ATP1B4: variants seen among roughly 807,000 people sequenced by gnomAD.
ATP1B4 encodes ATPase Na+/K+ transporting family member beta 4, also known as protein ATP1B4.
Under a neutral mutation model 29.6 loss-of-function variants are expected in ATP1B4, and 32 were observed. The ratio of observed to expected loss-of-function variants is 1.08; its 90% CI spans 0.82 to 1.45. The LOEUF (loss-of-function observed/expected upper bound fraction) is 1.45. ATP1B4 is among the 40% of genes most tolerant of loss of function. The pLI is 0.00. For synonymous variants in ATP1B4, 127 were observed against 102.1 expected (o/e 1.24, Z -1.47); for missense variants, 323 against 276.2 (o/e 1.17, Z -1.20).
intron 5 of ATP1B4, 70 bp downstream of exon 5, chrX:120,375,638 T>C: frequency 1.1e-6 from 1 of 949,712 alleles, no homozygotes; most frequent in Non-Finnish European, 1.4e-6. Flanking sequence ...GCCACTCCAT[T>C]TGTCTTGGTC....
At chrX:120,375,070 A>G (rs1460282400) in intron 4 of ATP1B4, among the ~76,000 whole-genome samples, 1 of 108,074 alleles carries the variant, frequency 9.3e-6, no homozygotes, top group East Asian at 2.9e-4. Context: ...AATAGAGAAA[A>G]TTTATAAAGT....
At chrX:120,366,255 G>A (rs1331264264) in intron 1 of ATP1B4, among the ~76,000 whole-genome samples, 1 of 111,663 alleles carries the variant, frequency 9.0e-6, no homozygotes, top group Non-Finnish European at 1.9e-5. Flanking sequence ...AGCAGTCCTT[G>A]GAGAAGAGCC....
At chrX:120,366,867 G>T (rs188417681) in intron 2 of ATP1B4, 78 bp downstream of exon 2, 91 of 1,138,986 alleles carry the variant, frequency 8.0e-5, no homozygotes, top group Non-Finnish European at 1.0e-4. Flanking sequence ...TTTACCATAC[G>T]CTGGATGGGC....
intron 4 of ATP1B4, among the ~76,000 whole-genome samples, chrX:120,371,833 T>C (rs1039152598): frequency 8.9e-6 from 1 of 112,180 alleles, no homozygotes; most frequent in African/African-American, 3.2e-5. Flanking sequence ...CACGCCCTGC[T>C]AATTTTTTGT....
intron 1 of ATP1B4, among the ~76,000 whole-genome samples, chrX:120,363,219 G>T (rs372104207): frequency 2.7e-5 from 3 of 111,627 alleles, no homozygotes; most frequent in African/African-American, 9.8e-5. Flanking sequence ...TCAACAGCCC[G>T]CAGAAGAAAA....
At chrX:120,371,317 A>G in intron 4 of ATP1B4, 107 bp downstream of exon 4, 1 of 588,773 alleles carries the variant, frequency 1.7e-6, no homozygotes, top group South Asian at 2.6e-5. Flanking sequence ...ACTAACCCCA[A>G]CTCATCATGG....
chrX:120,371,193 T>C lies in ATP1B4; in HGVS notation c.545T>C (p.Leu182Pro). The change falls in exon 4 of 8, where the codon CTA (leucine) becomes CCA (proline). Residue 182 changes from leucine to proline, a missense_variant. Physicochemically the swap from Leu to Pro is moderately conservative, Grantham distance 98. Transcript: ENST00000218008. ...ACTTGGCAGCATTATGTGATTAGCC[T>C]AAATGGCTTTCTCCAGGGTAAGTAA... ...PDTWQHYVIS[L>P]NGFLQGYNDS... is the part of the protein sequence containing the mutation. 1 of 1,206,221 alleles carries C rather than the reference T, an allele frequency of 8.3e-7. No individual in the cohort carries two copies. Among genetic ancestry groups the C allele is most frequent in the Non-Finnish European group, 1.1e-6 (1 of 890,483 alleles).
At chrX:120,378,218 C>A (rs1245925803) in intron 6 of ATP1B4, among the ~76,000 whole-genome samples, 2 of 111,720 alleles carry the variant, frequency 1.8e-5, no homozygotes, top group African/African-American at 3.3e-5. Flanking sequence ...CTGCAGTGTG[C>A]AAATCGTGGA....
chrX:120,378,773 C>T lies in ATP1B4; in HGVS notation c.912C>T (p.His304=), dbSNP rs368849098. 22 of 1,202,194 alleles carry T rather than the reference C, an allele frequency of 1.8e-5. No individual in the cohort carries two copies. Among genetic ancestry groups the T allele is most frequent in the African/African-American group, 8.8e-5 (5 of 56,890 alleles). The change falls in exon 7 of 8, where the codon CAC becomes CAT. Residue 304 remains histidine, a splice_region_variant and synonymous_variant. Coordinates refer to ENST00000218008, the MANE Select transcript of ATP1B4 (RefSeq NM_001142447.3). The part of the protein sequence containing the change: ...RYYPYYGKLT[H]VNYTSPLVAM... ...ACCCTTACTACGGCAAACTGACTCA[C>T]GTAAGCTGTATTCCCTTTAGTCATT...
intron 2 of ATP1B4, among the ~76,000 whole-genome samples, chrX:120,367,142 A>C (rs184269379): frequency 8.9e-6 from 1 of 112,325 alleles, no homozygotes; most frequent in Non-Finnish European, 1.9e-5. Flanking sequence ...TCTGAGCCTC[A>C]GTTTCCTCAC....
In ATP1B4 at chrX:120,379,849, A is replaced by T; in HGVS notation, c.*215A>T. The T allele has an allele frequency of 3.0e-6, 1 of 329,783 alleles. No individual in the cohort carries two copies. Among genetic ancestry groups the T allele is most frequent in the Non-Finnish European group, 5.1e-6 (1 of 194,266 alleles). 27.2% of individuals were successfully genotyped at this position (329,783 alleles called of 1,213,427 possible). ...TGTCTCCTGATGACAAACAGAGTAT[A>T]TTAATTTCCTTTCCCTCCACTTAAA... On this transcript the variant is annotated 3_prime_UTR_variant, in exon 8 of 8. Coordinates refer to ENST00000218008, the MANE Select transcript of ATP1B4 (RefSeq NM_001142447.3).
chrX:120,367,577 T>C (rs1602501789), intron 2 of ATP1B4, among the ~76,000 whole-genome samples: 1 of 111,541 alleles, frequency 9.0e-6, no homozygotes, highest in Non-Finnish European at 1.9e-5. Context: ...AAATTCACAC[T>C]TGCCACAGTC....
chrX:120,379,684 G>C lies in ATP1B4; in HGVS notation c.*50G>C. On this transcript the variant is annotated 3_prime_UTR_variant, in exon 8 of 8. Transcript: ENST00000218008. ...AGTTCTGTTTCTGTTTTATCTCATG[G>C]TATCTCTGGTAGCACCTGAATTCTT... 9.0e-7 allele frequency: 1 copy of C among 1,113,896 alleles called. No homozygotes were observed. The highest frequency in any genetic ancestry group is 1.2e-6 in the Non-Finnish European group (1 of 831,612). The allele number at this position is 1,113,896 out of a possible 1,213,427, so 91.8% of individuals were successfully genotyped here.
Position 120,379,490 on chromosome X carries a change from C to T in ATP1B4, c.930C>T (p.Pro310=), listed in dbSNP as rs778916743. The T allele has an allele frequency of 1.7e-5, 20 of 1,205,871 alleles. No individual in the cohort carries two copies. Among genetic ancestry groups the T allele is most frequent in the Non-Finnish European group, 2.2e-5 (20 of 893,709 alleles). ...ACCTGCAGGTTAACTACACATCCCCCTTGGTGGCAATGCACTTTACAGACG... is the reference window on the plus strand; with the variant it reads ...ACCTGCAGGTTAACTACACATCCCCTTTGGTGGCAATGCACTTTACAGACG... ...GKLTHVNYTS[P]LVAMHFTDVV... Residue 310 remains proline, a synonymous_variant, in exon 8 of 8, where the codon CCC becomes CCT. Transcript: ENST00000218008.
intron 6 of ATP1B4, among the ~76,000 whole-genome samples, chrX:120,377,837 G>A (rs961015740): frequency 3.6e-5 from 4 of 111,754 alleles, no homozygotes; most frequent in Non-Finnish European, 7.5e-5. Flanking sequence ...AATAAATTAA[G>A]GAGAGCTTAG....
In ATP1B4 at chrX:120,377,724, C is replaced by A. The variant is rs778548718; in HGVS notation, c.817-954C>A. ...GCTACCTCCTTACATATTTTATGTC[C>A]TTTTAAAAAATATATTAAGAATCTC... On this transcript the variant is annotated intron_variant, in intron 6 of 7. Transcript: ENST00000218008. Among the ~76,000 whole-genome samples the A allele has an allele frequency of 1.4e-4, 16 of 111,412 alleles. No homozygotes were observed. The East Asian group carries it at 3.7e-3, about 25-fold the overall frequency.
At chrX:120,377,023 G>C (rs1259049617) in intron 6 of ATP1B4, among the ~76,000 whole-genome samples, 1 of 112,002 alleles carries the variant, frequency 8.9e-6, no homozygotes, top group Admixed American at 9.5e-5. Context: ...AAAGCCCTTA[G>C]ATCTTGGGTT....
In ATP1B4 at chrX:120,380,806, G is replaced by A. The variant is rs1271089302; in HGVS notation, c.*1172G>A. The A allele has an allele frequency of 8.9e-6, 1 of 112,426 alleles. No individual in the cohort carries two copies. The highest frequency in any genetic ancestry group is 1.9e-5 in the Non-Finnish European group (1 of 53,296). 9.3% of individuals were successfully genotyped at this position (112,426 alleles called of 1,213,427 possible). On this transcript the variant is annotated 3_prime_UTR_variant, in exon 8 of 8. Coordinates refer to ENST00000218008, the MANE Select transcript of ATP1B4 (RefSeq NM_001142447.3). ...AAGCCAAGGCCCATTAGCCAGTTTA[G>A]CATTTACTTTAAAAATGACATGAGG...
chrX:120,376,234 G>T lies in ATP1B4; in HGVS notation c.760-146G>T. Reference sequence around the variant, plus strand: ...GCTCTGAAGATGTTTTTCATTTTTTGCTTTTTGTAACATTTCTGAGAAGGC... The same window carrying T: ...GCTCTGAAGATGTTTTTCATTTTTTTCTTTTTGTAACATTTCTGAGAAGGC... On this transcript the variant is annotated intron_variant, in intron 5 of 7. Coordinates refer to ENST00000218008, the MANE Select transcript of ATP1B4 (RefSeq NM_001142447.3). The T allele has an allele frequency of 1.4e-5, 7 of 487,835 alleles. No individual in the cohort carries two copies. The Admixed American group carries it at 1.5e-4, about 11-fold the overall frequency. The allele number at this position is 487,835 out of a possible 1,213,427, so 40.2% of individuals were successfully genotyped here.
Sources: gnomAD v4.1 joint callset for allele counts (sites outside exome capture counted in the v4.1 genomes callset) on GRCh38, gnomAD v4.1.1 for gene constraint, MANE v1.5 for transcripts, NCBI Gene and HGNC (gene_info 2026-07-23, HGNC 2026-07-21) for gene names.